Variants in GABBR1 observed in about 807,000 individuals in gnomAD.
GABBR1 encodes the protein gamma-aminobutyric acid type B receptor subunit 1.
GABBR1 carries 35 observed loss-of-function variants against 117.7 expected under a neutral mutation model. The ratio of observed to expected loss-of-function variants is 0.30; its 90% CI spans 0.23 to 0.39. GABBR1 has a LOEUF of 0.39. GABBR1 is among the 10% of genes least tolerant of loss of function. The probability of loss-of-function intolerance (pLI) is 1.00; values close to 1 mark genes in which losing one functional copy is unlikely to be tolerated. For synonymous variants in GABBR1, 442 were observed against 486.6 expected (o/e 0.91, Z 1.21); for missense variants, 709 against 1,241.8 (o/e 0.57, Z 6.45).
chr6:29,611,395 G>C lies in GABBR1; in HGVS notation c.1631-394C>G, dbSNP rs1196532243. Among the ~76,000 whole-genome samples, 1 of 152,122 alleles carries C rather than the reference G, an allele frequency of 6.6e-6. No individual in the cohort carries two copies. Among genetic ancestry groups the C allele is most frequent in the Non-Finnish European group, 1.5e-5 (1 of 68,018 alleles). The stretch of plus-strand genomic sequence containing the variant: ...ATGGGCAGGCTCTATTTTCCCAGTG[G>C]CTTTCATTTTAATTTTAGAACATTC... On this transcript the variant is annotated intron_variant, in intron 13 of 22. Transcript: ENST00000377034. The surrounding 1 kb of genome is among the most constrained non-coding windows in gnomAD (Gnocchi z 4.6).
At chr6:29,616,595 G>T (rs1164767175) in intron 11 of GABBR1, among the ~76,000 whole-genome samples, 9 of 151,284 alleles carry the variant, frequency 5.9e-5, no homozygotes, top group Non-Finnish European at 1.3e-4. Flanking sequence ...TGAGGCAGGA[G>T]AATCACTGGA....
Position 29,621,582 on chromosome 6 carries a change from T to C in GABBR1, c.1131+170A>G, listed in dbSNP as rs951864129. Reference sequence around the variant, plus strand: ...AAAATGAGATCTGAAGAAAGTATCATGTGTGTGCAGACAAGGGATGCAGTC... The same window carrying C: ...AAAATGAGATCTGAAGAAAGTATCACGTGTGTGCAGACAAGGGATGCAGTC... On this transcript the variant is annotated intron_variant, in intron 10 of 22. Coordinates refer to ENST00000377034, the MANE Select transcript of GABBR1 (RefSeq NM_001470.4). The surrounding 1 kb of genome is among the most constrained non-coding windows in gnomAD (Gnocchi z 5.0). Among the ~76,000 whole-genome samples the C allele has an allele frequency of 6.6e-6, 1 of 152,078 alleles. No individual in the cohort carries two copies.
chr6:29,620,440 G>A lies in GABBR1; in HGVS notation c.1323+661C>T, dbSNP rs1386349558. Among the ~76,000 whole-genome samples, 2 of 152,114 alleles carry A rather than the reference G, an allele frequency of 1.3e-5. No homozygotes were observed. Among genetic ancestry groups the A allele is most frequent in the South Asian group, 2.1e-4 (1 of 4,828 alleles). ...TGTACTCTTTACAATGTAGTGCTGA[G>A]CAACAAAGAAGCCTCTTCCCCTGTG... On this transcript the variant is annotated intron_variant, in intron 11 of 22. Transcript: ENST00000377034. This position sits in a 1 kb window ranked among gnomAD's most constrained non-coding sequence, Gnocchi z 4.5.
chr6:29,605,414 T>C lies in GABBR1; in HGVS notation c.2439+155A>G. ...GATACAATGTCTGTAGTGAGCTTTGTAAACTGTAAAGTGCTTTATAGACCT... is the reference window on the plus strand; with the variant it reads ...GATACAATGTCTGTAGTGAGCTTTGCAAACTGTAAAGTGCTTTATAGACCT... On this transcript the variant is annotated intron_variant, in intron 20 of 22. Transcript: ENST00000377034. The surrounding 1 kb of genome is among the most constrained non-coding windows in gnomAD (Gnocchi z 4.2). 1.2e-6 allele frequency: 1 copy of C among 851,246 alleles called. No individual in the cohort carries two copies. 52.7% of individuals were successfully genotyped at this position (851,246 alleles called of 1,614,324 possible). A position where few individuals can be genotyped will look rare whatever the true frequency, so the allele number is the denominator to read the frequency against.
chr6:29,628,489 A>G (rs1281711329), intron 5 of GABBR1, among the ~76,000 whole-genome samples: 1 of 151,858 alleles, frequency 6.6e-6, no homozygotes, highest in Non-Finnish European at 1.5e-5. Flanking sequence ...CGAGTTGGGT[A>G]CGGAAGGGAG....
chr6:29,608,505 G>A (rs1762186582), intron 16 of GABBR1, 96 bp downstream of exon 16: 9 of 1,309,044 alleles, frequency 6.9e-6, no homozygotes, highest in South Asian at 1.4e-5. Context: ...AGGGAAAGCT[G>A]AGGAGGAAGG....
chr6:29,621,991 C>A lies in GABBR1; in HGVS notation c.1065+113G>T. ...TGGAGCTAAACTTCCCCAGGAGATG[C>A]TATTGCCTCAGAGAATCAAAACCTG... On this transcript the variant is annotated intron_variant, in intron 9 of 22. Coordinates refer to ENST00000377034, the MANE Select transcript of GABBR1 (RefSeq NM_001470.4). The surrounding 1 kb of genome is among the most constrained non-coding windows in gnomAD (Gnocchi z 5.0). 9.4e-7 allele frequency: 1 copy of A among 1,065,102 alleles called. No homozygotes were observed. The highest frequency in any genetic ancestry group is 1.3e-5 in the South Asian group (1 of 74,238). 66.0% of individuals were successfully genotyped at this position (1,065,102 alleles called of 1,614,324 possible).
At position 29,607,268 on chromosome 6, in the gene GABBR1, G is replaced by A. The variant is rs371526510; in HGVS notation, c.1993-50C>T. On this transcript the variant is annotated intron_variant, in intron 16 of 22. Coordinates refer to ENST00000377034, the MANE Select transcript of GABBR1 (RefSeq NM_001470.4). This position sits in a 1 kb window ranked among gnomAD's most constrained non-coding sequence, Gnocchi z 5.0. ...CAGAACAGGGTAGAGTAGTAGCCGG[G>A]ACTGCAGTAAGGATGGGCAGAACCC... 3 of 1,453,226 alleles carry A rather than the reference G, an allele frequency of 2.1e-6. No homozygotes were observed. The highest frequency in any genetic ancestry group is 2.9e-6 in the Non-Finnish European group (3 of 1,036,474). The allele number at this position is 1,453,226 out of a possible 1,614,324, so 90.0% of individuals were successfully genotyped here.
chr6:29,606,029 T>G lies in GABBR1; in HGVS notation c.2312-333A>C. ...TACCCTACAGGTGGGAAGGTGGCTT[T>G]CCAGGCAGAGGGTAGGTTTGCAATT... On this transcript the variant is annotated intron_variant, in intron 19 of 22. Coordinates refer to ENST00000377034, the MANE Select transcript of GABBR1 (RefSeq NM_001470.4). This position sits in a 1 kb window ranked among gnomAD's most constrained non-coding sequence, Gnocchi z 4.5. 1 of 516,020 alleles carries G rather than the reference T, an allele frequency of 1.9e-6. No individual in the cohort carries two copies. Among genetic ancestry groups the G allele is most frequent in the Non-Finnish European group, 3.4e-6 (1 of 289,926 alleles). The allele number at this position is 516,020 out of a possible 1,614,324, so 32.0% of individuals were successfully genotyped here. A position where few individuals can be genotyped will look rare whatever the true frequency, so the allele number is the denominator to read the frequency against.
At position 29,609,098 on chromosome 6, in the gene GABBR1, C is replaced by T; in HGVS notation, c.1859+131G>A. On this transcript the variant is annotated intron_variant, in intron 15 of 22. Transcript: ENST00000377034. The surrounding 1 kb of genome is among the most constrained non-coding windows in gnomAD (Gnocchi z 4.3). ...TATCTGGTTTCCCTGTTTTCATTCTCAACAAGTCAGAATGAAAAACTCCAT... is the reference window on the plus strand; with the variant it reads ...TATCTGGTTTCCCTGTTTTCATTCTTAACAAGTCAGAATGAAAAACTCCAT... 1.1e-6 allele frequency: 1 copy of T among 893,964 alleles called. No homozygotes were observed. The highest frequency in any genetic ancestry group is 1.7e-6 in the Non-Finnish European group (1 of 588,866). 55.4% of individuals were successfully genotyped at this position (893,964 alleles called of 1,614,324 possible).
At chr6:29,628,067 G>C (rs973896935) in intron 5 of GABBR1, 78 of 952,260 alleles carry the variant, frequency 8.2e-5, no homozygotes, top group Non-Finnish European at 9.7e-5. Flanking sequence ...CTGGGAGGGG[G>C]CTCTGACGTC....
In GABBR1 at chr6:29,607,576, C is replaced by G. The variant is rs1455669843; in HGVS notation, c.1993-358G>C. ...CACAACATGCTCCCATCCACCTGTC[C>G]AGCTAGGCTCATCTCCCAGCCCCAC... On this transcript the variant is annotated intron_variant, in intron 16 of 22. Coordinates refer to ENST00000377034, the MANE Select transcript of GABBR1 (RefSeq NM_001470.4). The surrounding 1 kb of genome is among the most constrained non-coding windows in gnomAD (Gnocchi z 5.0). 1.3e-5 allele frequency among the ~76,000 whole-genome samples: 2 copies of G among 152,158 alleles called. No individual in the cohort carries two copies. Among genetic ancestry groups the G allele is most frequent in the African/African-American group, 4.8e-5 (2 of 41,430 alleles).
intron 5 of GABBR1, chr6:29,628,202 G>GA (rs1764563518): frequency 1.7e-6 from 1 of 602,276 alleles, no homozygotes; most frequent in Non-Finnish European, 2.0e-6. Context: ...GGGGAGGGGG[G>GA]ATGCAACCTC....
chr6:29,621,833 A>C lies in GABBR1; in HGVS notation c.1066-16T>G. The C allele has an allele frequency of 6.2e-7, 1 of 1,613,990 alleles. No homozygotes were observed. Among genetic ancestry groups the C allele is most frequent in the Non-Finnish European group, 8.5e-7 (1 of 1,179,848 alleles). ...CATCCTGGCGCTACAACAGAGAAAGAAACAGCTCCTGAGGGATGCCCGGGA... is the reference window on the plus strand; with the variant it reads ...CATCCTGGCGCTACAACAGAGAAAGCAACAGCTCCTGAGGGATGCCCGGGA... On this transcript the variant is annotated splice_polypyrimidine_tract_variant and intron_variant, in intron 9 of 22. Coordinates refer to ENST00000377034, the MANE Select transcript of GABBR1 (RefSeq NM_001470.4). This position sits in a 1 kb window ranked among gnomAD's most constrained non-coding sequence, Gnocchi z 5.0.
intron 11 of GABBR1, among the ~76,000 whole-genome samples, chr6:29,619,073 A>C (rs1282091723): frequency 6.6e-6 from 1 of 152,186 alleles, no homozygotes; most frequent in African/African-American, 2.4e-5. Flanking sequence ...CCTAGCCCAG[A>C]TCTACTGAAT....
chr6:29,608,756 G>A, intron 15 of GABBR1, 23 bp from the exon 16 acceptor site: 1 of 1,608,870 alleles, frequency 6.2e-7, no homozygotes, highest in South Asian at 1.1e-5. Context: ...TGGAGAGGGT[G>A]AGAGGGAGAG....
In GABBR1 at chr6:29,622,071, G is replaced by A. The variant is rs747702693; in HGVS notation, c.1065+33C>T. On this transcript the variant is annotated intron_variant, in intron 9 of 22. Transcript: ENST00000377034. The surrounding 1 kb of genome is among the most constrained non-coding windows in gnomAD (Gnocchi z 4.6). ...CACTGTCCCCCAGCTTGGTCCCTCC[G>A]TAAACAGAGCCCACCACTCCCAGCC... The A allele has an allele frequency of 3.7e-5, 59 of 1,578,548 alleles. No homozygotes were observed. The highest frequency in any genetic ancestry group is 5.0e-5 in the Non-Finnish European group (57 of 1,148,520).
At position 29,623,971 on chromosome 6, in the gene GABBR1, A is replaced by G. The variant is rs760955356; in HGVS notation, c.711T>C (p.Pro237=). 6.8e-6 allele frequency: 11 copies of G among 1,612,908 alleles called. No individual in the cohort carries two copies. In the East Asian group the frequency reaches 2.5e-4, roughly 36 times the overall value. ...KYLYELLYND[P]IKIILMPGCS... Reference sequence around the variant, plus strand: ...AGCCAGGCATAAGGATGATCTTGATAGGGTCGTTGTAGAGCAGCTCATATA... The same window carrying G: ...AGCCAGGCATAAGGATGATCTTGATGGGGTCGTTGTAGAGCAGCTCATATA... The change falls in exon 7 of 23, where the codon CCT becomes CCC. Residue 237 remains proline (P), a synonymous_variant. Transcript: ENST00000377034. The surrounding 1 kb of genome is among the most constrained non-coding windows in gnomAD (Gnocchi z 6.2).
chr6:29,605,090 T>C lies in GABBR1; in HGVS notation c.2440-102A>G, dbSNP rs1016202573. 4.2e-5 allele frequency: 52 copies of C among 1,245,736 alleles called. No homozygotes were observed. The African/African-American group carries it at 7.4e-4, about 18-fold the overall frequency. 77.2% of individuals were successfully genotyped at this position (1,245,736 alleles called of 1,614,324 possible). A position where few individuals can be genotyped will look rare whatever the true frequency, so the allele number is the denominator to read the frequency against. On this transcript the variant is annotated intron_variant, in intron 20 of 22. Coordinates refer to ENST00000377034, the MANE Select transcript of GABBR1 (RefSeq NM_001470.4). The surrounding 1 kb of genome is among the most constrained non-coding windows in gnomAD (Gnocchi z 4.2). Reference sequence around the variant, plus strand: ...GGAGTCTATGCAGACAGTTTCCTGGTGAACTTTCCCTTTGAAAAGGATCCA... The same window carrying C: ...GGAGTCTATGCAGACAGTTTCCTGGCGAACTTTCCCTTTGAAAAGGATCCA...
Sources: gnomAD v4.1 joint callset for allele counts (sites outside exome capture counted in the v4.1 genomes callset) on GRCh38, gnomAD v4.1.1 for gene constraint, Gnocchi (gnomAD v3.1) non-coding constraint, MANE v1.5 for transcripts, NCBI Gene and HGNC (gene_info 2026-07-23, HGNC 2026-07-21) for gene names.